Variants in IMMP2L observed in about 807,000 individuals in gnomAD.
IMMP2L encodes inner mitochondrial membrane peptidase subunit 2.
A neutral mutation model predicts 19.3 loss-of-function variants in IMMP2L; 18 were observed. That is an observed-to-expected ratio of 0.93 (90% CI 0.64 to 1.38). The LOEUF (loss-of-function observed/expected upper bound fraction) is 1.38, where lower values mean the gene tolerates loss of function less well. IMMP2L is among the 40% of genes most tolerant of loss of function. The pLI, the probability that IMMP2L is intolerant of heterozygous loss-of-function variation, is 0.00. For missense variants in IMMP2L, 233 were observed against 218.2 expected, an observed-to-expected ratio of 1.07 and a Z score of -0.43; for synonymous variants, 76 against 73.0, an observed-to-expected ratio of 1.04 and a Z score of -0.21.
intron 5 of IMMP2L, among the ~76,000 whole-genome samples, chr7:110,741,735 C>G (rs1797001776): frequency 6.6e-6 from 1 of 151,918 alleles, no homozygotes; most frequent in Non-Finnish European, 1.5e-5. Flanking sequence ...TAGACATACT[C>G]CATTATGCTA....
At chr7:111,316,845 C>CTTTTTTTTT (rs869155077) in intron 3 of IMMP2L, among the ~76,000 whole-genome samples, 65 of 75,904 alleles carry the variant, frequency 8.6e-4, no homozygotes, top group Middle Eastern at 0.015. Context: ...TTTTTTTTTT[C>CTTTTTTTTT]TTTTTTTTTT....
chr7:111,303,308 T>C (rs978886149), intron 3 of IMMP2L, among the ~76,000 whole-genome samples: 4 of 152,096 alleles, frequency 2.6e-5, no homozygotes, highest in Admixed American at 6.6e-5. Flanking sequence ...CGTATGAATA[T>C]GTTCTCACTC....
chr7:111,552,755 C>T (rs1030158478), intron 1 of IMMP2L, among the ~76,000 whole-genome samples: 1 of 152,168 alleles, frequency 6.6e-6, no homozygotes, highest in African/African-American at 2.4e-5. Flanking sequence ...GTGTAATCCA[C>T]TCCCATACTG....
chr7:111,468,182 G>T (rs1380808802), intron 3 of IMMP2L, among the ~76,000 whole-genome samples: 1 of 152,092 alleles, frequency 6.6e-6, no homozygotes, highest in Non-Finnish European at 1.5e-5. Flanking sequence ...CAGCTGAGCT[G>T]TACAGCTTAA....
intron 3 of IMMP2L, among the ~76,000 whole-genome samples, chr7:111,102,550 G>A (rs961663328): frequency 6.6e-6 from 1 of 151,500 alleles, no homozygotes; most frequent in African/African-American, 2.4e-5. Context: ...TTGCCCTAAA[G>A]TGATTTTAGC....
At chr7:111,017,318 C>A (rs766541884) in intron 3 of IMMP2L, among the ~76,000 whole-genome samples, 4 of 151,948 alleles carry the variant, frequency 2.6e-5, no homozygotes, top group African/African-American at 4.8e-5. Flanking sequence ...CTTGCCTGGG[C>A]CTCCCAAAGT....
At chr7:110,937,039 A>G (rs909059389) in intron 4 of IMMP2L, among the ~76,000 whole-genome samples, 2 of 152,070 alleles carry the variant, frequency 1.3e-5, no homozygotes, top group African/African-American at 4.8e-5. Context: ...AACATCACAC[A>G]CCAGGGCCGG....
intron 3 of IMMP2L, among the ~76,000 whole-genome samples, chr7:111,098,677 T>G (rs769290449): frequency 2.2e-4 from 33 of 151,858 alleles, no homozygotes; most frequent in Non-Finnish European, 4.3e-4. Flanking sequence ...CATTTAATCT[T>G]CATAACGACC....
At chr7:111,366,826 T>C (rs1829810027) in intron 3 of IMMP2L, among the ~76,000 whole-genome samples, 1 of 151,936 alleles carries the variant, frequency 6.6e-6, no homozygotes, top group Non-Finnish European at 1.5e-5. Context: ...TGTCTCTGTA[T>C]ATATGTATAC....
chr7:110,960,666 GA>G (rs770916203), intron 4 of IMMP2L, among the ~76,000 whole-genome samples: 3 of 147,718 alleles, frequency 2.0e-5, no homozygotes, highest in Non-Finnish European at 4.5e-5. Flanking sequence ...ATAGGCTCTT[GA>G]AAAAAAAACA....
chr7:111,123,767 G>C lies in IMMP2L; in HGVS notation c.240-160202C>G. On this transcript the variant is annotated intron_variant, in intron 3 of 5. Coordinates refer to ENST00000405709, the MANE Select transcript of IMMP2L (RefSeq NM_032549.4). The surrounding 1 kb of genome is among the most constrained non-coding windows in gnomAD (Gnocchi z 6.4). ...TACATTCACCCCAATGCATTTTTCAGACTCCCCAAGCTGGAATCACTCATG... is the reference window on the plus strand; with the variant it reads ...TACATTCACCCCAATGCATTTTTCACACTCCCCAAGCTGGAATCACTCATG... 6.2e-7 allele frequency: 1 copy of C among 1,613,842 alleles called. No homozygotes were observed. The highest frequency in any genetic ancestry group is 8.5e-7 in the Non-Finnish European group (1 of 1,179,942).
At chr7:111,391,309 A>G (rs1296878785) in intron 3 of IMMP2L, among the ~76,000 whole-genome samples, 3 of 152,102 alleles carry the variant, frequency 2.0e-5, no homozygotes, top group Non-Finnish European at 2.9e-5. Flanking sequence ...TCTAGTCTGC[A>G]CCTGCTCTTC....
chr7:111,541,002 TAA>T (rs1402861480), intron 1 of IMMP2L, among the ~76,000 whole-genome samples: 2 of 152,152 alleles, frequency 1.3e-5, no homozygotes, highest in African/African-American at 4.8e-5. Context: ...GTTCTAGGGC[TAA>T]GTGTTTTCTG....
chr7:111,136,834 A>G (rs947207005), intron 3 of IMMP2L, among the ~76,000 whole-genome samples: 3 of 152,220 alleles, frequency 2.0e-5, no homozygotes, highest in South Asian at 4.1e-4. Context: ...TTTAACCTCT[A>G]TGAGAAAGAT....
At chr7:110,889,882 A>C (rs1355288707) in intron 4 of IMMP2L, among the ~76,000 whole-genome samples, 2 of 152,204 alleles carry the variant, frequency 1.3e-5, no homozygotes, top group African/African-American at 4.8e-5. Context: ...AAAGTGGCAT[A>C]TATTAAACAC....
intron 3 of IMMP2L, among the ~76,000 whole-genome samples, chr7:111,443,305 A>C (rs1367103988): frequency 6.6e-6 from 1 of 152,114 alleles, no homozygotes; most frequent in Non-Finnish European, 1.5e-5. Flanking sequence ...CAAATGCAAT[A>C]AGTTATTTTA....
chr7:111,535,514 C>A (rs1002875606), intron 1 of IMMP2L, among the ~76,000 whole-genome samples: 3 of 152,042 alleles, frequency 2.0e-5, no homozygotes, highest in African/African-American at 7.2e-5. Context: ...TTTGCCCCAT[C>A]GGACACTTAA....
At chr7:111,028,361 C>T (rs1001148357) in intron 3 of IMMP2L, among the ~76,000 whole-genome samples, 2 of 151,982 alleles carry the variant, frequency 1.3e-5, no homozygotes, top group Admixed American at 1.3e-4. Flanking sequence ...GAAACTTTTC[C>T]CTTGGACTCT....
chr7:111,241,178 A>G (rs1814981917), intron 3 of IMMP2L, among the ~76,000 whole-genome samples: 1 of 151,992 alleles, frequency 6.6e-6, no homozygotes, highest in Non-Finnish European at 1.5e-5. Flanking sequence ...GCTTCTGAAT[A>G]TTATCAATAA....
Sources: gnomAD v4.1 joint callset for allele counts (sites outside exome capture counted in the v4.1 genomes callset) on GRCh38, gnomAD v4.1.1 for gene constraint, Gnocchi (gnomAD v3.1) non-coding constraint, MANE v1.5 for transcripts, NCBI Gene and HGNC (gene_info 2026-07-23, HGNC 2026-07-21) for gene names.